Variants in MED12L observed in about 807,000 individuals in gnomAD.
MED12L encodes mediator of RNA polymerase II transcription subunit 12-like protein.
MED12L carries 60 observed loss-of-function variants against 281.3 expected under a neutral mutation model. The ratio of observed to expected loss-of-function variants is 0.21; its 90% CI spans 0.17 to 0.26. The LOEUF (loss-of-function observed/expected upper bound fraction) is 0.26, where lower values mean the gene tolerates loss of function less well. Among genes scored for constraint, MED12L ranks in the 10% least tolerant of loss-of-function variants. MED12L has a pLI of 1.00. For missense variants in MED12L, 2,146 were observed against 2,680.9 expected (o/e 0.80, Z 4.41); for synonymous variants, 974 against 987.2 (o/e 0.99, Z 0.25).
rs1711560807 is a variant in MED12L at position 151,378,183 on chromosome 3, G to A, written c.4478+10G>A. ...GACAGAAACAGAAAAGGTGTGGCTG[G>A]AAGATGGGCGTCTGTGTGAGAGTTT... On this transcript the variant is annotated intron_variant, in intron 31 of 44. Coordinates refer to ENST00000687756, the MANE Select transcript of MED12L (RefSeq NM_001393769.1). 1 of 1,591,968 alleles carries A rather than the reference G, an allele frequency of 6.3e-7. No homozygotes were observed. Among genetic ancestry groups the A allele is most frequent in the African/African-American group, 1.3e-5 (1 of 74,102 alleles).
intron 16 of MED12L, among the ~76,000 whole-genome samples, chr3:151,269,210 G>C (rs570386692): frequency 3.3e-5 from 5 of 152,320 alleles, no homozygotes; most frequent in Admixed American, 6.5e-5. Context: ...AGACCAGCCT[G>C]ACCAACATGC....
intron 16 of MED12L, among the ~76,000 whole-genome samples, chr3:151,342,379 C>T (rs540017451): frequency 4.6e-5 from 7 of 152,280 alleles, no homozygotes; most frequent in Non-Finnish European, 2.9e-5. Context: ...TTTTCTTCTG[C>T]GTTTTGAGTA....
chr3:151,284,606 G>A lies in MED12L; in HGVS notation c.2251-65453G>A, dbSNP rs896839349. On this transcript the variant is annotated intron_variant, in intron 16 of 44. Transcript: ENST00000687756. Reference sequence around the variant, plus strand: ...CCAAATTTTTTATGTATGTTTGTTTGTTTGTTTGTTTGTTTTTTGAGACAG... The same window carrying A: ...CCAAATTTTTTATGTATGTTTGTTTATTTGTTTGTTTGTTTTTTGAGACAG... Among the ~76,000 whole-genome samples, 10 of 152,174 alleles carry A rather than the reference G, an allele frequency of 6.6e-5. No homozygotes were observed. The South Asian group carries it at 1.0e-3, about 16-fold the overall frequency.
intron 39 of MED12L, among the ~76,000 whole-genome samples, chr3:151,398,393 A>C (rs538818354): frequency 2.6e-4 from 39 of 152,332 alleles, no homozygotes; most frequent in Non-Finnish European, 4.7e-4. Context: ...AGTGATACAC[A>C]ATGAAAACTA....
At chr3:151,328,372 A>G in intron 16 of MED12L, 1 of 1,613,516 alleles carries the variant, frequency 6.2e-7, no homozygotes, top group South Asian at 1.1e-5. Flanking sequence ...CAATAACCAC[A>G]TAAAACACAA....
intron 16 of MED12L, among the ~76,000 whole-genome samples, chr3:151,238,545 T>C (rs1374873965): frequency 6.6e-6 from 1 of 152,232 alleles, no homozygotes; most frequent in African/African-American, 2.4e-5. Flanking sequence ...ATAAGAGTAC[T>C]AAGATGTTGC....
intron 11 of MED12L, among the ~76,000 whole-genome samples, chr3:151,174,753 T>A (rs754260599): frequency 6.6e-6 from 1 of 152,206 alleles, no homozygotes; most frequent in African/African-American, 2.4e-5. Flanking sequence ...GGTCTTGCTC[T>A]GTTGCCCAGG....
intron 8 of MED12L, among the ~76,000 whole-genome samples, chr3:151,161,247 T>C (rs1335307645): frequency 6.6e-6 from 1 of 150,966 alleles, no homozygotes; most frequent in Non-Finnish European, 1.5e-5. Flanking sequence ...TTTGGACTAT[T>C]TTGGACTGTT....
chr3:151,336,472 A>G (rs1213534384), intron 16 of MED12L: 1 of 455,840 alleles, frequency 2.2e-6, no homozygotes, highest in African/African-American at 2.0e-5. Context: ...TTATACAACA[A>G]TACACCCTTT....
chr3:151,106,354 CT>C (rs2148684470), intron 2 of MED12L, among the ~76,000 whole-genome samples: 1 of 122,900 alleles, frequency 8.1e-6, no homozygotes, highest in South Asian at 3.3e-4. Context: ...CTTTCCTTTC[CT>C]TTCCTACAGG....
intron 40 of MED12L, among the ~76,000 whole-genome samples, chr3:151,409,709 C>A (rs1307837560): frequency 6.6e-6 from 1 of 152,128 alleles, no homozygotes; most frequent in Non-Finnish European, 1.5e-5. Flanking sequence ...CTGTAATCTG[C>A]ACTTTGAGAG....
chr3:151,429,826 A>G (rs1351950733), intron 43 of MED12L, among the ~76,000 whole-genome samples: 2 of 152,154 alleles, frequency 1.3e-5, no homozygotes, highest in Non-Finnish European at 2.9e-5. Context: ...TGGGGAGGGT[A>G]TAGTCCCAAA....
At chr3:151,122,702 A>T in intron 3 of MED12L, 81 bp from the exon 4 acceptor site, 1 of 973,186 alleles carries the variant, frequency 1.0e-6, no homozygotes, top group South Asian at 2.7e-5. Context: ...CAATTGAAAC[A>T]ATAAAGAAAA....
At chr3:151,395,179 C>T (rs1714805245) in intron 39 of MED12L, among the ~76,000 whole-genome samples, 1 of 152,050 alleles carries the variant, frequency 6.6e-6, no homozygotes, top group Admixed American at 6.5e-5. Context: ...CTTCTCTGAG[C>T]CCTCATTTTT....
intron 16 of MED12L, among the ~76,000 whole-genome samples, chr3:151,349,780 C>T (rs1752990169): frequency 6.6e-6 from 1 of 151,490 alleles, no homozygotes; most frequent in Non-Finnish European, 1.5e-5. Context: ...AAAAGTTTTT[C>T]AATAGCCAAA....
At chr3:151,336,601 TTTTG>T in intron 16 of MED12L, 3 of 453,562 alleles carry the variant, frequency 6.6e-6, no homozygotes, top group South Asian at 1.6e-5. Context: ...GTGTTATATG[TTTTG>T]TTTATGTTAA....
intron 16 of MED12L, among the ~76,000 whole-genome samples, chr3:151,210,873 C>G (rs1342061463): frequency 6.6e-6 from 1 of 152,218 alleles, no homozygotes; most frequent in Non-Finnish European, 1.5e-5. Flanking sequence ...ATTAGCTTCC[C>G]CTGTTTCCTT....
chr3:151,413,370 A>G, intron 42 of MED12L, 75 bp downstream of exon 42: 1 of 1,504,054 alleles, frequency 6.6e-7, no homozygotes, highest in East Asian at 2.3e-5. Context: ...TAAAAAATGA[A>G]AAACACTATA....
At chr3:151,332,347 T>G (rs929892412) in intron 16 of MED12L, among the ~76,000 whole-genome samples, 1 of 152,220 alleles carries the variant, frequency 6.6e-6, no homozygotes, top group African/African-American at 2.4e-5. Context: ...TAGAAAAGAC[T>G]TTTACTTCCC....
Sources: allele counts gnomAD v4.1 joint callset (sites outside exome capture counted in the v4.1 genomes callset), GRCh38; gene constraint gnomAD v4.1.1; transcripts MANE v1.5; gene names NCBI Gene and HGNC (gene_info 2026-07-23, HGNC 2026-07-21).